Variants in ACAP1 observed in about 807,000 individuals in gnomAD.
ACAP1 encodes the protein ArfGAP with coiled-coil, ankyrin repeat and PH domains 1, also known as arf-GAP with coiled-coil, ANK repeat and PH domain-containing protein 1.
A neutral mutation model predicts 98.8 loss-of-function variants in ACAP1; 45 were observed. That is an observed-to-expected ratio of 0.46 (90% CI 0.36 to 0.58). ACAP1 has a LOEUF of 0.58. Ranked by LOEUF, ACAP1 falls within the 20% of genes least tolerant of loss-of-function variation. The pLI, the probability that ACAP1 is intolerant of heterozygous loss-of-function variation, is 0.00. For synonymous variants in ACAP1, 362 were observed against 375.3 expected (o/e 0.96, Z 0.41); for missense variants, 735 against 971.4 (o/e 0.76, Z 3.24).
chr17:7,340,061 G>A (rs972931923), intron 2 of ACAP1, among the ~76,000 whole-genome samples: 1 of 152,042 alleles, frequency 6.6e-6, no homozygotes, highest in African/African-American at 2.4e-5. Context: ...AGAAGCTCGA[G>A]ACCAGCCTGG....
At position 7,348,448 on chromosome 17, in the gene ACAP1, C is replaced by T. The variant is rs760206336; in HGVS notation, c.1651C>T (p.Arg551Trp). The change falls in exon 17 of 22, where the codon CGG becomes TGG. Residue 551 changes from arginine to tryptophan, a missense_variant. Physicochemically the swap from Arg to Trp is moderately radical, Grantham distance 101. Coordinates refer to ENST00000158762, the MANE Select transcript of ACAP1 (RefSeq NM_014716.4). ...GCCCCCAAAGCCTTCCATCAGGCCC[C>T]GGCCAGGGAGCTTGAGATCCAAGCC... ...PVPPKPSIRP[R>W]PGSLRSKPEP... 61 of 1,488,928 alleles carry T rather than the reference C, an allele frequency of 4.1e-5. No homozygotes were observed. Among genetic ancestry groups the T allele is most frequent in the Admixed American group, 1.6e-4 (6 of 38,564 alleles). 92.2% of individuals were successfully genotyped at this position (1,488,928 alleles called of 1,614,324 possible). A position where few individuals can be genotyped will look rare whatever the true frequency, so the allele number is the denominator to read the frequency against.
chr17:7,341,924 CCT>C, intron 2 of ACAP1, 22 bp from the exon 3 acceptor site: 1 of 1,613,626 alleles, frequency 6.2e-7, no homozygotes, highest in Admixed American at 1.7e-5. Flanking sequence ...GGCACAGCTC[CCT>C]GTTACCCTCC....
chr17:7,348,492 G>C lies in ACAP1; in HGVS notation c.1678+17G>C, dbSNP rs1281246924. 2.7e-6 allele frequency: 4 copies of C among 1,459,522 alleles called. No homozygotes were observed. In the South Asian group the frequency reaches 5.9e-5, roughly 21 times the overall value. The allele number at this position is 1,459,522 out of a possible 1,614,324, so 90.4% of individuals were successfully genotyped here. On this transcript the variant is annotated intron_variant, in intron 17 of 21. Transcript: ENST00000158762. ...CCAAGCCAGGTATAGGGTTGGTTGG[G>C]CATTCATTGAGCATCTGCTGTGTGC...
Position 7,350,178 on chromosome 17 carries a change from T to C in ACAP1, c.2013T>C (p.Ser671=). 1 of 1,614,144 alleles carries C rather than the reference T, an allele frequency of 6.2e-7. No individual in the cohort carries two copies. Among genetic ancestry groups the C allele is most frequent in the South Asian group, 1.1e-5 (1 of 91,080 alleles). Reference sequence around the variant, plus strand: ...GAGCTGATCTGGGGGCTCGAGACTCTGAAGGCAGGGACCCTCTGACCATCG... The same window carrying C: ...GAGCTGATCTGGGGGCTCGAGACTCCGAAGGCAGGGACCCTCTGACCATCG... ...KRGADLGARD[S]EGRDPLTIAM... is the part of the protein sequence containing the mutation. The change falls in exon 20 of 22, where the codon TCT becomes TCC. Residue 671 remains serine (S), a synonymous_variant. Coordinates refer to ENST00000158762, the MANE Select transcript of ACAP1 (RefSeq NM_014716.4). The surrounding 1 kb of genome is among the most constrained non-coding windows in gnomAD (Gnocchi z 4.6).
intron 14 of ACAP1, 174 bp from the exon 15 acceptor site, chr17:7,347,748 C>T: frequency 1.6e-6 from 1 of 611,576 alleles, no homozygotes. Flanking sequence ...CCTGCCAGGG[C>T]CAGGTCAAGG....
chr17:7,344,016 C>T lies in ACAP1; in HGVS notation c.670-33C>T, dbSNP rs746240923. On this transcript the variant is annotated intron_variant, in intron 8 of 21. Coordinates refer to ENST00000158762, the MANE Select transcript of ACAP1 (RefSeq NM_014716.4). The surrounding 1 kb of genome is among the most constrained non-coding windows in gnomAD (Gnocchi z 4.9). ...GGTTAGGGACTCCTAACTGGGGGGC[C>T]TTGGACATCTGAGATGCCCTTCCTG... The T allele has an allele frequency of 1.3e-6, 2 of 1,578,702 alleles. No individual in the cohort carries two copies. Among genetic ancestry groups the T allele is most frequent in the East Asian group, 2.3e-5 (1 of 42,598 alleles).
chr17:7,349,461 C>T (rs2073381106), intron 18 of ACAP1: 1 of 314,548 alleles, frequency 3.2e-6, no homozygotes, highest in Non-Finnish European at 5.9e-6. Flanking sequence ...CTGCAAGCTC[C>T]GCCTCCCGGG....
rs2073317656 is a variant in ACAP1 at position 7,343,660 on chromosome 17, T to C, written c.529-46T>C. 1 of 1,605,574 alleles carries C rather than the reference T, an allele frequency of 6.2e-7. No homozygotes were observed. Among genetic ancestry groups the C allele is most frequent in the South Asian group, 1.1e-5 (1 of 89,738 alleles). On this transcript the variant is annotated intron_variant, in intron 6 of 21. Transcript: ENST00000158762. This position sits in a 1 kb window ranked among gnomAD's most constrained non-coding sequence, Gnocchi z 4.9. Reference sequence around the variant, plus strand: ...GTGCAGTGGGAAGGGGTGCTGTGTCTTCAAGACTGATCTGGGGTTTTTTAC... The same window carrying C: ...GTGCAGTGGGAAGGGGTGCTGTGTCCTCAAGACTGATCTGGGGTTTTTTAC...
At position 7,349,408 on chromosome 17, in the gene ACAP1, CT is replaced by C. The variant is rs2073380310; in HGVS notation, c.1851+242del. On this transcript the variant is annotated intron_variant, in intron 18 of 21. Transcript: ENST00000158762. ...TTTTTTTTTTTTTGAGACAGTCTCG[CT>C]CTGTCCCCCAGGCTGGAGTGCAATG... is the stretch of plus-strand genomic sequence containing the variant. 5 of 454,964 alleles carry C rather than the reference CT, an allele frequency of 1.1e-5. No homozygotes were observed. The South Asian group carries it at 1.7e-4, about 15-fold the overall frequency. The allele number at this position is 454,964 out of a possible 1,614,324, so 28.2% of individuals were successfully genotyped here.
At chr17:7,347,791 G>A (rs1029370493) in intron 14 of ACAP1, 131 bp from the exon 15 acceptor site, 28 of 721,058 alleles carry the variant, frequency 3.9e-5, no homozygotes, top group Non-Finnish European at 6.8e-5. Flanking sequence ...CAGCTGCCCT[G>A]CCTCCTGGGC....
At chr17:7,342,790 C>CA in intron 5 of ACAP1, 1 of 405,214 alleles carries the variant, frequency 2.5e-6, no homozygotes. Flanking sequence ...TGCCTGTAAT[C>CA]CCAGCTACTC....
In ACAP1 at chr17:7,337,309, C is replaced by T; in HGVS notation, c.54-3C>T. On this transcript the variant is annotated splice_region_variant and splice_polypyrimidine_tract_variant and intron_variant, in intron 1 of 21. Coordinates refer to ENST00000158762, the MANE Select transcript of ACAP1 (RefSeq NM_014716.4). ...TCTCTTCCCATGACCCCCTCTTTCC[C>T]AGAGCCTCTATTGAGCTGGTGGAAG... 1 of 1,613,982 alleles carries T rather than the reference C, an allele frequency of 6.2e-7. No homozygotes were observed.
intron 2 of ACAP1, among the ~76,000 whole-genome samples, chr17:7,339,293 A>G (rs954265771): frequency 6.8e-6 from 1 of 147,304 alleles, no homozygotes; most frequent in African/African-American, 2.5e-5. Context: ...GTCTCAATAA[A>G]CAAAAACAAA....
chr17:7,343,520 T>A lies in ACAP1; in HGVS notation c.486T>A (p.Ala162=). Residue 162 remains alanine (A), a synonymous_variant, in exon 6 of 22, where the codon GCT becomes GCA. Transcript: ENST00000158762. This position sits in a 1 kb window ranked among gnomAD's most constrained non-coding sequence, Gnocchi z 4.9. ...AEEAGAALRT[A]RAGYRGRALD... ...AGGCAGGAGCTGCTTTGAGGACGGC[T>A]CGAGCTGGGTACCGGGGACGGGCAC... 1.2e-6 allele frequency: 2 copies of A among 1,613,900 alleles called. No individual in the cohort carries two copies. The highest frequency in any genetic ancestry group is 8.5e-7 in the Non-Finnish European group (1 of 1,179,890).
Position 7,342,046 on chromosome 17 carries a change from T to A in ACAP1, c.210T>A (p.Gly70=). ...GCATTTGTGACCTGGCCCGCCTGGG[T>A]CCACCAGAGCCCATGATGGCGGTAT... is the stretch of plus-strand genomic sequence containing the variant. ...VVGICDLARL[G]PPEPMMAECL... The change falls in exon 3 of 22, where the codon GGT becomes GGA. Residue 70 remains glycine, a synonymous_variant. Coordinates refer to ENST00000158762, the MANE Select transcript of ACAP1 (RefSeq NM_014716.4). The A allele has an allele frequency of 6.2e-7, 1 of 1,614,070 alleles. No homozygotes were observed. Among genetic ancestry groups the A allele is most frequent in the Non-Finnish European group, 8.5e-7 (1 of 1,180,004 alleles).
At chr17:7,348,266 A>T in intron 16 of ACAP1, 40 bp from the exon 17 acceptor site, 1 of 1,610,264 alleles carries the variant, frequency 6.2e-7, no homozygotes, top group South Asian at 1.1e-5. Context: ...GGACCCCTGG[A>T]GCAGAAGAGG....
Position 7,344,596 on chromosome 17 carries a change from A to T in ACAP1, c.802A>T (p.Met268Leu). Residue 268 changes from methionine (M) to leucine (L), a missense_variant, in exon 10 of 22, where the codon ATG becomes TTG. By Grantham distance (15) the Met-to-Leu change is conservative. Coordinates refer to ENST00000158762, the MANE Select transcript of ACAP1 (RefSeq NM_014716.4). This position sits in a 1 kb window ranked among gnomAD's most constrained non-coding sequence, Gnocchi z 4.9. ...AAGAGAGGGGCCTGGTGGCCTGGTG[A>T]TGGAAGGACATCTCTTCAAACGGGC... Reference protein sequence around the residue: ...SLREGPGGLVMEGHLFKRASN... With the variant: ...SLREGPGGLVLEGHLFKRASN... The T allele has an allele frequency of 1.3e-6, 2 of 1,551,430 alleles. No individual in the cohort carries two copies. The highest frequency in any genetic ancestry group is 1.7e-6 in the Non-Finnish European group (2 of 1,146,940).
chr17:7,346,723 C>A, intron 12 of ACAP1, 85 bp from the exon 13 acceptor site: 2 of 1,466,680 alleles, frequency 1.4e-6, no homozygotes, highest in Non-Finnish European at 1.9e-6. Flanking sequence ...TGGTTGAATA[C>A]TGGCTGAATG....
intron 1 of ACAP1, 93 bp from the exon 2 acceptor site, chr17:7,337,219 T>TCCGTACCCA: frequency 8.2e-7 from 1 of 1,223,224 alleles, no homozygotes; most frequent in Non-Finnish European, 1.2e-6. Flanking sequence ...AGCTTTCTCC[T>TCCGTACCCA]CCGTACCCAC....
Sources: gnomAD v4.1 joint callset for allele counts (sites outside exome capture counted in the v4.1 genomes callset) on GRCh38, gnomAD v4.1.1 for gene constraint, Gnocchi (gnomAD v3.1) non-coding constraint, MANE v1.5 for transcripts, NCBI Gene and HGNC (gene_info 2026-07-23, HGNC 2026-07-21) for gene names.